GPC6: variants seen among roughly 807,000 people sequenced by gnomAD.
The protein encoded by GPC6 is glypican 6.
A neutral mutation model predicts 55.2 loss-of-function variants in GPC6; 14 were observed. That is an observed-to-expected ratio of 0.25 (90% CI 0.17 to 0.40). The LOEUF (loss-of-function observed/expected upper bound fraction) is 0.40. Among genes scored for constraint, GPC6 ranks in the 10% least tolerant of loss-of-function variants. The probability of loss-of-function intolerance (pLI) is 1.00; values close to 1 mark genes in which losing one functional copy is unlikely to be tolerated. For missense variants in GPC6, 641 were observed against 708.5 expected, an observed-to-expected ratio of 0.90 and a Z score of 1.08; for synonymous variants, 278 against 259.6, an observed-to-expected ratio of 1.07 and a Z score of -0.68.
intron 1 of GPC6, among the ~76,000 whole-genome samples, chr13:93,337,585 T>C (rs1356943899): frequency 6.6e-6 from 1 of 152,184 alleles, no homozygotes; most frequent in East Asian, 1.9e-4. Context: ...GTAGAGGCTC[T>C]ATAAGAATGC....
intron 2 of GPC6, among the ~76,000 whole-genome samples, chr13:93,818,200 CT>C (rs926734628): frequency 6.6e-6 from 1 of 150,800 alleles, no homozygotes; most frequent in African/African-American, 2.4e-5. Context: ...TTTTCAATTT[CT>C]TTTTTTAAAC....
intron 1 of GPC6, among the ~76,000 whole-genome samples, chr13:93,365,767 T>G (rs969283542): frequency 6.6e-6 from 1 of 152,030 alleles, no homozygotes; most frequent in African/African-American, 2.4e-5. Context: ...CATCTATCAC[T>G]TTACATGGTA....
intron 2 of GPC6, among the ~76,000 whole-genome samples, chr13:93,591,133 T>A (rs1877448687): frequency 7.8e-6 from 1 of 128,652 alleles, no homozygotes; most frequent in African/African-American, 3.8e-5. Context: ...AAAATAAATA[T>A]GAAACAATTT....
In GPC6 at chr13:94,351,975, A is replaced by AG. The variant is rs1267645401; in HGVS notation, c.1153-30439_1153-30438insG. ...GAGAGAAGAAGGCAAAAAAAAAAAA[A>AG]AAAAAAAGAAAAAGAAAAAAAATAA... On this transcript the variant is annotated intron_variant, in intron 6 of 8. Coordinates refer to ENST00000377047, the MANE Select transcript of GPC6 (RefSeq NM_005708.5). 1.2e-4 allele frequency among the ~76,000 whole-genome samples: 18 copies of AG among 150,150 alleles called. 1 individual carries two copies. Among genetic ancestry groups the AG allele is most frequent in the African/African-American group, 3.7e-4 (15 of 40,204 alleles).
intron 1 of GPC6, among the ~76,000 whole-genome samples, chr13:93,303,725 A>G (rs1878759606): frequency 6.6e-6 from 1 of 152,138 alleles, no homozygotes; most frequent in South Asian, 2.1e-4. Flanking sequence ...CAAAGTGGGG[A>G]AAATTCCGGC....
At chr13:93,486,403 A>G (rs998531853) in intron 1 of GPC6, among the ~76,000 whole-genome samples, 1 of 152,184 alleles carries the variant, frequency 6.6e-6, no homozygotes, top group African/African-American at 2.4e-5. Context: ...ACAATTCCCA[A>G]ACTGTGTTTT....
intron 3 of GPC6, among the ~76,000 whole-genome samples, chr13:93,976,546 A>G (rs1880526565): frequency 6.6e-6 from 1 of 151,582 alleles, no homozygotes; most frequent in South Asian, 2.1e-4. Context: ...GGGATGTTAC[A>G]GCTGCGGTCT....
chr13:94,166,709 T>C (rs1308549012), intron 4 of GPC6, among the ~76,000 whole-genome samples: 1 of 152,192 alleles, frequency 6.6e-6, no homozygotes, highest in African/African-American at 2.4e-5. Flanking sequence ...ATACAATACA[T>C]ATTTTAATCT....
intron 1 of GPC6, among the ~76,000 whole-genome samples, chr13:93,427,056 A>C (rs1263692647): frequency 6.7e-6 from 1 of 149,542 alleles, no homozygotes; most frequent in Non-Finnish European, 1.5e-5. Flanking sequence ...GTGTCTGTTC[A>C]TGTCCTTCGC....
Position 94,379,050 on chromosome 13 carries a change from G to GA in GPC6, c.1153-3356dup, listed in dbSNP as rs201050355. ...CAGTTGTGTGCACTTAAGTTTCCAG[G>GA]AAAAAAAACCAAAAAAACAAAAAAA... is the stretch of plus-strand genomic sequence containing the variant. On this transcript the variant is annotated intron_variant, in intron 6 of 8. Coordinates refer to ENST00000377047, the MANE Select transcript of GPC6 (RefSeq NM_005708.5). Among the ~76,000 whole-genome samples, 690 of 150,402 alleles carry GA rather than the reference G, an allele frequency of 4.6e-3. 2 individuals carry two copies. The highest frequency in any genetic ancestry group is 0.024 in the Middle Eastern group (7 of 290).
At position 94,052,518 on chromosome 13, in the gene GPC6, C is replaced by G. The variant is rs180962284; in HGVS notation, c.877+24624C>G. Among the ~76,000 whole-genome samples, 5 of 152,132 alleles carry G rather than the reference C, an allele frequency of 3.3e-5. No homozygotes were observed. In the East Asian group the frequency reaches 9.7e-4, roughly 29 times the overall value. On this transcript the variant is annotated intron_variant, in intron 4 of 8. Coordinates refer to ENST00000377047, the MANE Select transcript of GPC6 (RefSeq NM_005708.5). ...GGAGATTCAACTTCATGTTGTAGGA[C>G]GAGGGAACCATTTATTGTATTTCAA...
At chr13:94,149,666 T>C (rs1226508636) in intron 4 of GPC6, among the ~76,000 whole-genome samples, 2 of 152,056 alleles carry the variant, frequency 1.3e-5, no homozygotes, top group Non-Finnish European at 2.9e-5. Flanking sequence ...TGAGCCTCGA[T>C]TTTTACTCAG....
chr13:94,177,382 T>C (rs1888814486), intron 4 of GPC6, among the ~76,000 whole-genome samples: 1 of 151,912 alleles, frequency 6.6e-6, no homozygotes, highest in Non-Finnish European at 1.5e-5. Flanking sequence ...GCAGCAAATA[T>C]GACTTTTAAA....
chr13:93,329,202 C>A (rs1272022104), intron 1 of GPC6, among the ~76,000 whole-genome samples: 1 of 152,094 alleles, frequency 6.6e-6, no homozygotes, highest in Non-Finnish European at 1.5e-5. Flanking sequence ...ACTCAGATTC[C>A]CTAGGTTTCG....
At chr13:93,253,175 C>T (rs1385363792) in intron 1 of GPC6, among the ~76,000 whole-genome samples, 2 of 152,154 alleles carry the variant, frequency 1.3e-5, no homozygotes, top group Non-Finnish European at 2.9e-5. Context: ...ATAAAGAGTA[C>T]TTTAAATGGC....
intron 2 of GPC6, among the ~76,000 whole-genome samples, chr13:93,655,584 A>G (rs1369363093): frequency 2.6e-5 from 4 of 152,148 alleles, no homozygotes; most frequent in South Asian, 2.1e-4. Context: ...TGAAGATTCT[A>G]TATCAAGGAA....
chr13:93,478,462 A>T (rs1028238831), intron 1 of GPC6, among the ~76,000 whole-genome samples: 4 of 152,188 alleles, frequency 2.6e-5, no homozygotes, highest in African/African-American at 9.6e-5. Context: ...TGACATCAAC[A>T]AGTGGCACCA....
Position 93,545,410 on chromosome 13 carries a change from A to G in GPC6, c.308A>G (p.Lys103Arg). Residue 103 changes from lysine (K) to arginine (R), a missense_variant, in exon 2 of 9, where the codon AAG (lysine) becomes AGG (arginine). Transcript: ENST00000377047. ...FVRTTFVSRH[K>R]KFDEFFRELL... Reference sequence around the variant, plus strand: ...CGCACCACTTTTGTGTCCAGGCATAAGAAATTTGACGGTAGGTGAAATGGT... The same window carrying G: ...CGCACCACTTTTGTGTCCAGGCATAGGAAATTTGACGGTAGGTGAAATGGT... 1.9e-6 allele frequency: 3 copies of G among 1,613,790 alleles called. No homozygotes were observed. Among genetic ancestry groups the G allele is most frequent in the Non-Finnish European group, 2.5e-6 (3 of 1,179,690 alleles).
At chr13:93,352,823 T>C (rs927879530) in intron 1 of GPC6, among the ~76,000 whole-genome samples, 3 of 152,088 alleles carry the variant, frequency 2.0e-5, no homozygotes, top group African/African-American at 7.2e-5. Flanking sequence ...GCAAATACAA[T>C]TGCTCTGATT....
Sources: gnomAD v4.1 joint callset for allele counts (sites outside exome capture counted in the v4.1 genomes callset) on GRCh38, gnomAD v4.1.1 for gene constraint, MANE v1.5 for transcripts, NCBI Gene and HGNC (gene_info 2026-07-23, HGNC 2026-07-21) for gene names.